The following RNF214 variants were observed in gnomAD, a reference collection of about 807,000 sequenced individuals.
RNF214 encodes the protein ring finger protein 214.
Under a neutral mutation model 75.9 loss-of-function variants are expected in RNF214, and 25 were observed. The observed-to-expected ratio is 0.33, with a 90% confidence interval of 0.24 to 0.46. The LOEUF (loss-of-function observed/expected upper bound fraction) is 0.46. Ranked by LOEUF, RNF214 falls within the 20% of genes least tolerant of loss-of-function variation. The probability of loss-of-function intolerance (pLI) is 1.00; values close to 1 mark genes in which losing one functional copy is unlikely to be tolerated. For synonymous variants in RNF214, 314 were observed against 308.8 expected (o/e 1.02, Z -0.18); for missense variants, 725 against 857.5 (o/e 0.85, Z 1.93).
intron 6 of RNF214, among the ~76,000 whole-genome samples, chr11:117,250,327 T>G (rs575920445): frequency 1.3e-5 from 2 of 152,332 alleles, no homozygotes; most frequent in South Asian, 4.1e-4. Flanking sequence ...TTGGGAAAAT[T>G]TCAATAGTGA....
At chr11:117,239,353 G>C in intron 3 of RNF214, 1 of 543,476 alleles carries the variant, frequency 1.8e-6, no homozygotes, top group Non-Finnish European at 3.3e-6. Context: ...TATGACCTAC[G>C]TGTAGTCTCT....
intron 1 of RNF214, among the ~76,000 whole-genome samples, chr11:117,233,030 C>T (rs1027397591): frequency 2.0e-5 from 3 of 152,230 alleles, no homozygotes; most frequent in African/African-American, 7.2e-5. Flanking sequence ...CCCCATTGTC[C>T]CCTTCCCGTC....
chr11:117,239,314 T>C (rs2033006004), intron 3 of RNF214: 1 of 583,666 alleles, frequency 1.7e-6, no homozygotes, highest in African/African-American at 1.9e-5. Context: ...CCAGTAGCCA[T>C]TGTCTAATCT....
At chr11:117,278,013 T>C (rs2034049203) in intron 6 of RNF214, among the ~76,000 whole-genome samples, 2 of 148,392 alleles carry the variant, frequency 1.3e-5, no homozygotes, top group African/African-American at 5.0e-5. Flanking sequence ...TCTCTTAAGA[T>C]GTAACTCTTG....
chr11:117,252,353 T>A (rs1317335558), intron 6 of RNF214, among the ~76,000 whole-genome samples: 1 of 152,190 alleles, frequency 6.6e-6, no homozygotes, highest in Non-Finnish European at 1.5e-5. Context: ...GCAGCACTGA[T>A]CAATGTGGGT....
chr11:117,275,635 C>G (rs1000192582), intron 6 of RNF214, among the ~76,000 whole-genome samples: 1 of 152,090 alleles, frequency 6.6e-6, no homozygotes, highest in South Asian at 2.1e-4. Flanking sequence ...ACCAGAAAAC[C>G]TAGATGAACT....
chr11:117,280,421 C>G (rs752995892), intron 8 of RNF214, among the ~76,000 whole-genome samples, 162 bp downstream of exon 8: 6 of 152,188 alleles, frequency 3.9e-5, no homozygotes, highest in African/African-American at 1.4e-4. Context: ...GTGGTTTTTC[C>G]TCTCACATTC....
chr11:117,248,349 T>C (rs895741284), intron 6 of RNF214, among the ~76,000 whole-genome samples: 12 of 152,222 alleles, frequency 7.9e-5, no homozygotes, highest in African/African-American at 2.9e-4. Context: ...GTGCTGGGAT[T>C]ACAGGCATGA....
intron 2 of RNF214, among the ~76,000 whole-genome samples, chr11:117,236,183 A>T (rs1355264909): frequency 6.6e-6 from 1 of 150,428 alleles, no homozygotes; most frequent in Non-Finnish European, 1.5e-5. Context: ...CTGGTCTTGA[A>T]CTCCTGACCT....
At chr11:117,234,653 G>C (rs1329984957) in intron 2 of RNF214, among the ~76,000 whole-genome samples, 1 of 152,308 alleles carries the variant, frequency 6.6e-6, no homozygotes, top group East Asian at 1.9e-4. Flanking sequence ...TACGTGGACT[G>C]TATGTTCATT....
At chr11:117,276,548 T>C (rs1204796884) in intron 6 of RNF214, among the ~76,000 whole-genome samples, 4 of 152,184 alleles carry the variant, frequency 2.6e-5, no homozygotes, top group African/African-American at 4.8e-5. Context: ...CAGTGAGTTA[T>C]GATCATGCCA....
intron 6 of RNF214, among the ~76,000 whole-genome samples, chr11:117,254,216 T>G (rs929493198): frequency 2.0e-5 from 3 of 151,476 alleles, no homozygotes; most frequent in Non-Finnish European, 4.4e-5. Flanking sequence ...GCCACTGAAC[T>G]CCAGCTTGGG....
Position 117,281,686 on chromosome 11 carries a change from A to C in RNF214, c.1323A>C (p.Pro441=). ...AAATCCCTACTCCCACTTTACCTCC[A>C]CCCCCATCAGAGGTAAGAGAGTGGC... ...LPQIPTPTLP[P]PPSETDFMLQ... The change falls in exon 10 of 15, where the codon CCA becomes CCC. Residue 441 remains proline, a synonymous_variant. Coordinates refer to ENST00000300650, the MANE Select transcript of RNF214 (RefSeq NM_207343.4). 2 of 1,610,256 alleles carry C rather than the reference A, an allele frequency of 1.2e-6. No individual in the cohort carries two copies. Among genetic ancestry groups the C allele is most frequent in the Non-Finnish European group, 1.7e-6 (2 of 1,177,422 alleles).
At chr11:117,243,379 C>G (rs2134363145) in intron 4 of RNF214, among the ~76,000 whole-genome samples, 1 of 152,312 alleles carries the variant, frequency 6.6e-6, no homozygotes, top group African/African-American at 2.4e-5. Context: ...CTGCTGACCT[C>G]AAGTGATCCA....
At chr11:117,241,324 G>A (rs2033073843) in intron 4 of RNF214, among the ~76,000 whole-genome samples, 1 of 152,092 alleles carries the variant, frequency 6.6e-6, no homozygotes, top group South Asian at 2.1e-4. Context: ...GCTCATGCTT[G>A]TAATCCTAGC....
At chr11:117,263,887 G>T in intron 6 of RNF214, 1 of 283,776 alleles carries the variant, frequency 3.5e-6, no homozygotes, top group Non-Finnish European at 6.9e-6. Context: ...AGGACACACA[G>T]CAGTCTCCTT....
intron 6 of RNF214, among the ~76,000 whole-genome samples, chr11:117,274,588 C>T (rs548381447): frequency 3.3e-5 from 5 of 151,344 alleles, no homozygotes; most frequent in East Asian, 3.9e-4. Context: ...AGGCTAGTCT[C>T]GAACTCCTGA....
At chr11:117,268,536 G>A (rs1037504740) in intron 6 of RNF214, among the ~76,000 whole-genome samples, 5 of 152,158 alleles carry the variant, frequency 3.3e-5, no homozygotes, top group Non-Finnish European at 5.9e-5. Flanking sequence ...TACCACATAA[G>A]TGTGGCTCTG....
intron 1 of RNF214, among the ~76,000 whole-genome samples, chr11:117,233,030 C>G (rs1027397591): frequency 2.0e-5 from 3 of 152,112 alleles, no homozygotes; most frequent in African/African-American, 7.2e-5. Flanking sequence ...CCCCATTGTC[C>G]CCTTCCCGTC....
Sources: gnomAD v4.1 joint callset for allele counts (sites outside exome capture counted in the v4.1 genomes callset) on GRCh38, gnomAD v4.1.1 for gene constraint, MANE v1.5 for transcripts, NCBI Gene and HGNC (gene_info 2026-07-23, HGNC 2026-07-21) for gene names.